The following ST3GAL3 variants were observed in gnomAD, a reference collection of about 807,000 sequenced individuals.
ST3GAL3 encodes the protein CMP-N-acetylneuraminate-beta-1,4-galactoside alpha-2,3-sialyltransferase.
In ST3GAL3, 21 loss-of-function variants were observed where a neutral mutation model predicts 50.1. The observed-to-expected ratio is 0.42, with a 90% CI of 0.30 to 0.60. ST3GAL3 has a LOEUF of 0.60. Among genes scored for constraint, ST3GAL3 ranks in the 20% least tolerant of loss-of-function variants. ST3GAL3 has a pLI of 0.19. For missense variants in ST3GAL3, 353 were observed against 489.4 expected (o/e 0.72, Z 2.63); for synonymous variants, 183 against 190.0 (o/e 0.96, Z 0.30).
intron 2 of ST3GAL3, among the ~76,000 whole-genome samples, chr1:43,764,497 A>G (rs549396189): frequency 6.6e-6 from 1 of 152,298 alleles, no homozygotes; most frequent in Admixed American, 6.5e-5. Context: ...TAGGGTGTGA[A>G]AAGCTTATTA....
chr1:43,824,012 C>G (rs2062443521), intron 4 of ST3GAL3, among the ~76,000 whole-genome samples: 1 of 152,104 alleles, frequency 6.6e-6, no homozygotes, highest in Non-Finnish European at 1.5e-5. Flanking sequence ...ATACCGAAAG[C>G]TTTGTAAGGG....
At chr1:43,732,401 A>G (rs1676338882) in intron 1 of ST3GAL3, among the ~76,000 whole-genome samples, 1 of 152,220 alleles carries the variant, frequency 6.6e-6, no homozygotes, top group Non-Finnish European at 1.5e-5. Flanking sequence ...ATCCGTGATC[A>G]CTGCTCTTGT....
In ST3GAL3 at chr1:43,783,201, C is replaced by T. The variant is rs373622856; in HGVS notation, c.119-8901C>T. 5.3e-5 allele frequency among the ~76,000 whole-genome samples: 8 copies of T among 152,202 alleles called. No homozygotes were observed. The South Asian group carries it at 6.2e-4, about 12-fold the overall frequency. ...TAGCACCATGGTGGCCTGGTTCAAACGCATGCCTTGTCTGCTGTGCTGCAC... is the reference window on the plus strand; with the variant it reads ...TAGCACCATGGTGGCCTGGTTCAAATGCATGCCTTGTCTGCTGTGCTGCAC... On this transcript the variant is annotated intron_variant, in intron 2 of 11. Transcript: ENST00000347631.
rs796418054 is a variant in ST3GAL3 at position 43,817,865 on chromosome 1, T to TTCC, written c.209+2949_209+2951dup. Among the ~76,000 whole-genome samples, 348 of 69,228 alleles carry TTCC rather than the reference T, an allele frequency of 5.0e-3. 2 individuals are homozygous for TTCC. The highest frequency in any genetic ancestry group is 0.026 in the Middle Eastern group (4 of 156). The allele number at this position is 69,228 out of a possible 152,430, so 45.4% of individuals were successfully genotyped here. ...TCTTCTCCTTCTCCTCCTCCTCCTC[T>TTCC]TCCTCCTCCTCCTCCTCCTTCTTTC... On this transcript the variant is annotated intron_variant, in intron 4 of 11. Coordinates refer to ENST00000347631, the MANE Select transcript of ST3GAL3 (RefSeq NM_006279.5).
intron 1 of ST3GAL3, among the ~76,000 whole-genome samples, chr1:43,717,114 G>T (rs1280646068): frequency 6.6e-6 from 1 of 152,110 alleles, no homozygotes; most frequent in Non-Finnish European, 1.5e-5. Context: ...TTCAGGCAAC[G>T]CCTCTGAAGC....
chr1:43,789,957 T>G (rs1363751907), intron 2 of ST3GAL3, among the ~76,000 whole-genome samples: 1 of 152,066 alleles, frequency 6.6e-6, no homozygotes, highest in Non-Finnish European at 1.5e-5. Context: ...TTCAGCCAAG[T>G]GTCCTGATTG....
chr1:43,851,313 G>A, intron 5 of ST3GAL3: 1 of 1,537,668 alleles, frequency 6.5e-7, no homozygotes, highest in Non-Finnish European at 9.0e-7. Flanking sequence ...CCATCTGGCA[G>A]GTCCAGGCCC....
Position 43,930,562 on chromosome 1 carries a change from A to AG in ST3GAL3, c.*347dup. The stretch of plus-strand genomic sequence containing the variant: ...GTATTATCATTTTGTGAATTTGGGT[A>AG]GGGGGGAGGGTAGGGATAATTTATT... On this transcript the variant is annotated 3_prime_UTR_variant, in exon 12 of 12. Coordinates refer to ENST00000347631, the MANE Select transcript of ST3GAL3 (RefSeq NM_006279.5). 5 of 411,638 alleles carry AG rather than the reference A, an allele frequency of 1.2e-5. No homozygotes were observed. Among genetic ancestry groups the AG allele is most frequent in the South Asian group, 1.2e-4 (5 of 43,220 alleles). The allele number at this position is 411,638 out of a possible 1,614,324, so 25.5% of individuals were successfully genotyped here.
At chr1:43,906,045 TCCC>T (rs1379400950) in intron 9 of ST3GAL3, among the ~76,000 whole-genome samples, 25 of 38,102 alleles carry the variant, frequency 6.6e-4, no homozygotes, top group South Asian at 1.2e-3. Context: ...TTCCTCCCCC[TCCC>T]CCTCCTGCTC....
chr1:43,786,817 C>T (rs929954974), intron 2 of ST3GAL3, among the ~76,000 whole-genome samples: 7 of 152,156 alleles, frequency 4.6e-5, no homozygotes, highest in African/African-American at 9.7e-5. Flanking sequence ...GTTTTTCCCA[C>T]GGCTGTGTCT....
intron 3 of ST3GAL3, among the ~76,000 whole-genome samples, chr1:43,804,985 A>G (rs1356053752): frequency 6.6e-6 from 1 of 152,224 alleles, no homozygotes; most frequent in Non-Finnish European, 1.5e-5. Context: ...TCAGTACATT[A>G]TGGAATACCA....
chr1:43,832,546 A>G (rs1430387654), intron 4 of ST3GAL3, among the ~76,000 whole-genome samples: 1 of 152,178 alleles, frequency 6.6e-6, no homozygotes, highest in African/African-American at 2.4e-5. Flanking sequence ...CACAGCCCAC[A>G]TGTGGGTAGA....
chr1:43,879,979 A>G (rs2074827290), intron 5 of ST3GAL3, among the ~76,000 whole-genome samples: 1 of 152,190 alleles, frequency 6.6e-6, no homozygotes, highest in African/African-American at 2.4e-5. Context: ...CCTTGGCGCT[A>G]CTGTGGCTTC....
intron 5 of ST3GAL3, chr1:43,841,813 T>G (rs1180307941): frequency 6.6e-6 from 1 of 152,260 alleles, no homozygotes; most frequent in East Asian, 1.9e-4. Flanking sequence ...TTTCTTTCTT[T>G]GCCATGTGGC....
intron 1 of ST3GAL3, among the ~76,000 whole-genome samples, chr1:43,721,705 G>A (rs1460235891): frequency 6.6e-6 from 1 of 152,136 alleles, no homozygotes; most frequent in East Asian, 1.9e-4. Context: ...GGGTTCAAGC[G>A]ATTCTCCTGC....
At chr1:43,756,116 A>AAAAAAAAAAG (rs763780680) in intron 2 of ST3GAL3, among the ~76,000 whole-genome samples, 32 of 136,800 alleles carry the variant, frequency 2.3e-4, no homozygotes, top group African/African-American at 6.7e-4. Flanking sequence ...AAAAAAAAAA[A>AAAAAAAAAAG]AAGAAGAAGA....
chr1:43,771,794 C>T (rs7516647), intron 2 of ST3GAL3: 105,241 of 376,736 alleles, frequency 0.28, 15,474 homozygotes, highest in Non-Finnish European at 0.32. Flanking sequence ...CTATCCAGAT[C>T]ATGGTTGTTA....
chr1:43,789,545 T>C (rs2057780284), intron 2 of ST3GAL3, among the ~76,000 whole-genome samples: 1 of 152,118 alleles, frequency 6.6e-6, no homozygotes, highest in South Asian at 2.1e-4. Context: ...GTCTTCTCAA[T>C]GAGAGGAGAT....
At chr1:43,793,619 C>G (rs1297600141) in intron 3 of ST3GAL3, among the ~76,000 whole-genome samples, 2 of 152,168 alleles carry the variant, frequency 1.3e-5, no homozygotes, top group Non-Finnish European at 2.9e-5. Context: ...TTGTGTGCTT[C>G]CCACCAAAAT....
Sources: gnomAD v4.1 joint callset for allele counts (sites outside exome capture counted in the v4.1 genomes callset) on GRCh38, gnomAD v4.1.1 for gene constraint, MANE v1.5 for transcripts, NCBI Gene and HGNC (gene_info 2026-07-23, HGNC 2026-07-21) for gene names.